Variants in APBB2 observed in about 807,000 individuals in gnomAD.
The protein encoded by APBB2 is Fe65-like 1.
APBB2 carries 38 observed loss-of-function variants against 82.5 expected under a neutral mutation model. That is an observed-to-expected ratio of 0.46 (90% CI 0.36 to 0.60). APBB2 has a LOEUF of 0.60. Ranked by LOEUF, APBB2 falls within the 20% of genes least tolerant of loss-of-function variation. The pLI is 0.00. For synonymous variants in APBB2, 341 were observed against 368.2 expected (o/e 0.93, Z 0.85); for missense variants, 772 against 972.3 (o/e 0.79, Z 2.74).
intron 17 of APBB2, among the ~76,000 whole-genome samples, chr4:40,818,883 T>TAAAAGGATGAG (rs1275514333): frequency 6.6e-6 from 1 of 152,180 alleles, no homozygotes; most frequent in African/African-American, 2.4e-5. Context: ...ACCTCATCCT[T>TAAAAGGATGAG]TTAACATTTT....
At chr4:41,178,146 C>T (rs1692021351) in intron 1 of APBB2, among the ~76,000 whole-genome samples, 2 of 152,114 alleles carry the variant, frequency 1.3e-5, no homozygotes, top group African/African-American at 4.8e-5. Context: ...ATCAAGACTC[C>T]AGAAAACCTT....
intron 6 of APBB2, among the ~76,000 whole-genome samples, chr4:40,973,268 C>T (rs2154399363): frequency 6.6e-6 from 1 of 152,218 alleles, no homozygotes; most frequent in East Asian, 1.9e-4. Context: ...ATATTAACAC[C>T]CCAGCTTCCT....
chr4:40,842,540 T>C (rs1182762027), intron 12 of APBB2: 1 of 329,922 alleles, frequency 3.0e-6, no homozygotes, highest in Admixed American at 3.5e-5. Context: ...TTATTTTAGG[T>C]CAACTGTATC....
intron 2 of APBB2, among the ~76,000 whole-genome samples, chr4:41,133,558 A>G (rs1274623152): frequency 1.3e-5 from 2 of 152,232 alleles, no homozygotes; most frequent in Admixed American, 6.5e-5. Flanking sequence ...AGGGTTCTGT[A>G]TAGCTTAACC....
intron 1 of APBB2, among the ~76,000 whole-genome samples, chr4:41,163,053 C>G (rs771182019): frequency 8.5e-5 from 13 of 152,124 alleles, no homozygotes; most frequent in Non-Finnish European, 1.8e-4. Context: ...TAAGAGGACT[C>G]TAGAAGAATT....
At chr4:41,069,073 C>T (rs1255378909) in intron 3 of APBB2, among the ~76,000 whole-genome samples, 3 of 152,236 alleles carry the variant, frequency 2.0e-5, no homozygotes, top group Admixed American at 6.5e-5. Flanking sequence ...GGATTACAGG[C>T]GTGAGCCACC....
At chr4:40,973,568 C>T (rs1796451454) in intron 6 of APBB2, among the ~76,000 whole-genome samples, 1 of 152,194 alleles carries the variant, frequency 6.6e-6, no homozygotes, top group Non-Finnish European at 1.5e-5. Flanking sequence ...CCTAGGGCTG[C>T]TGTACCAAAG....
At chr4:41,025,867 G>T (rs1227548384) in intron 5 of APBB2, among the ~76,000 whole-genome samples, 1 of 149,804 alleles carries the variant, frequency 6.7e-6, no homozygotes, top group Non-Finnish European at 1.5e-5. Flanking sequence ...GGTAGGGGTT[G>T]GGGGGTGGAG....
intron 10 of APBB2, among the ~76,000 whole-genome samples, chr4:40,903,247 G>C (rs1291378663): frequency 7.6e-6 from 1 of 132,094 alleles, no homozygotes; most frequent in Non-Finnish European, 1.6e-5. Flanking sequence ...GATCACCTGA[G>C]GTCAGAAGTT....
chr4:41,175,351 C>T (rs561620514), intron 1 of APBB2, among the ~76,000 whole-genome samples: 1 of 152,238 alleles, frequency 6.6e-6, no homozygotes, highest in African/African-American at 2.4e-5. Flanking sequence ...AGAAATTCTT[C>T]CCTATATTCT....
intron 6 of APBB2, among the ~76,000 whole-genome samples, chr4:40,984,848 T>A (rs1799991386): frequency 6.6e-6 from 1 of 152,160 alleles, no homozygotes; most frequent in Non-Finnish European, 1.5e-5. Context: ...GTACTAGATA[T>A]TTTTTTAAAT....
intron 12 of APBB2, chr4:40,857,260 T>G: frequency 1.3e-6 from 1 of 792,896 alleles, no homozygotes; most frequent in Non-Finnish European, 1.5e-6. Context: ...CCGGCCGCAC[T>G]CCCGTGAAGT....
At chr4:40,982,223 AAAGAAAGAAAGAAAGAAAG>A (rs1560445208) in intron 6 of APBB2, among the ~76,000 whole-genome samples, 7 of 6,240 alleles carry the variant, frequency 1.1e-3, no homozygotes, top group South Asian at 4.7e-3. Context: ...AAAAGAAAGG[AAAGAAAGAAAGAAAGAAAG>A]AAAGAAAGAA....
chr4:41,064,225 G>A (rs910649942), intron 4 of APBB2, among the ~76,000 whole-genome samples: 7 of 151,896 alleles, frequency 4.6e-5, no homozygotes, highest in Non-Finnish European at 7.4e-5. Context: ...TGATCCGCCC[G>A]CCTCATCCTC....
intron 5 of APBB2, 121 bp from the exon 6 acceptor site, chr4:41,014,519 A>G: frequency 3.2e-6 from 3 of 934,022 alleles, no homozygotes; most frequent in Non-Finnish European, 5.0e-6. Flanking sequence ...ATACATTCTC[A>G]TAGAATGGAC....
chr4:41,108,335 C>T (rs370990971), intron 2 of APBB2, among the ~76,000 whole-genome samples: 2 of 151,808 alleles, frequency 1.3e-5, no homozygotes, highest in East Asian at 3.9e-4. Context: ...GAATATAGTT[C>T]TTCAGTGTTA....
At chr4:41,213,546 C>T (rs936799584) in intron 1 of APBB2, among the ~76,000 whole-genome samples, 1 of 152,066 alleles carries the variant, frequency 6.6e-6, no homozygotes, top group African/African-American at 2.4e-5. Context: ...CATGCTCCCT[C>T]GGCTGTTTGC....
chr4:41,034,073 A>C (rs1162866376), intron 4 of APBB2, among the ~76,000 whole-genome samples: 1 of 152,202 alleles, frequency 6.6e-6, no homozygotes, highest in Non-Finnish European at 1.5e-5. Flanking sequence ...TTCTTTGGAG[A>C]GCCATTTACA....
At chr4:40,862,762 G>A (rs1763066946) in intron 12 of APBB2, among the ~76,000 whole-genome samples, 1 of 151,896 alleles carries the variant, frequency 6.6e-6, no homozygotes, top group Non-Finnish European at 1.5e-5. Context: ...GGGAGGCTGA[G>A]GCAGGAGAAT....
Sources: gnomAD v4.1 joint callset for allele counts (sites outside exome capture counted in the v4.1 genomes callset) on GRCh38, gnomAD v4.1.1 for gene constraint, MANE v1.5 for transcripts, NCBI Gene and HGNC (gene_info 2026-07-23, HGNC 2026-07-21) for gene names.